STXBP4: variants seen among roughly 807,000 people sequenced by gnomAD.
The protein encoded by STXBP4 is syntaxin-binding protein 4.
In STXBP4, 55 loss-of-function variants were observed where a neutral mutation model predicts 76.1. The observed-to-expected ratio is 0.72, with a 90% CI of 0.58 to 0.91. The LOEUF is 0.91. Among genes scored for constraint, STXBP4 ranks in the 40% least tolerant of loss-of-function variants. The pLI, the probability that STXBP4 is intolerant of heterozygous loss-of-function variation, is 0.00. For synonymous variants in STXBP4, 201 were observed against 220.2 expected, an observed-to-expected ratio of 0.91 and a Z score of 0.77; for missense variants, 618 against 636.9, an observed-to-expected ratio of 0.97 and a Z score of 0.32.
chr17:55,086,815 A>G (rs1161786871), intron 16 of STXBP4, among the ~76,000 whole-genome samples: 1 of 152,104 alleles, frequency 6.6e-6, no homozygotes, highest in East Asian at 1.9e-4. Flanking sequence ...TTGTAGTTCT[A>G]TTTTTGTTTT....
rs2077705833 is a variant in STXBP4, at chr17:54,990,940, G to T, written c.163G>T (p.Gly55Ter). ...PLVYIQEIIP[G>*]GDCYKDGRLK... ...GGTATATATTCAGGAAATTATTCCT[G>T]GAGGAGACTGTTATAAGGTAAAAAT... Residue 55 changes from glycine to a stop codon, truncating the protein, a stop_gained, in exon 4 of 18, where the codon GGA becomes TGA. Coordinates refer to ENST00000376352, the MANE Select transcript of STXBP4 (RefSeq NM_178509.6). LOFTEE classifies it high-confidence loss of function. 1 of 1,581,446 alleles carries T rather than the reference G, an allele frequency of 6.3e-7. No homozygotes were observed. The highest frequency in any genetic ancestry group is 2.3e-5 in the East Asian group (1 of 43,220).
At chr17:55,101,660 T>C (rs2079567908) in intron 16 of STXBP4, among the ~76,000 whole-genome samples, 1 of 152,194 alleles carries the variant, frequency 6.6e-6, no homozygotes, top group Non-Finnish European at 1.5e-5. Flanking sequence ...TCTTAGACTT[T>C]TGGGAATGAA....
chr17:55,144,004 T>TGCGCGC (rs200876987), intron 17 of STXBP4, among the ~76,000 whole-genome samples: 1 of 98,712 alleles, frequency 1.0e-5, no homozygotes, highest in African/African-American at 3.6e-5. Context: ...CAAAGCCACC[T>TGCGCGC]GCACACACAC....
chr17:54,969,292 C>T (rs1203360115), intron 1 of STXBP4, among the ~76,000 whole-genome samples: 1 of 152,210 alleles, frequency 6.6e-6, no homozygotes, highest in Non-Finnish European at 1.5e-5. Flanking sequence ...TAAGGAGAGA[C>T]TGAAAGAAAC....
chr17:54,972,193 C>T (rs1036686417), intron 1 of STXBP4, among the ~76,000 whole-genome samples: 3 of 152,220 alleles, frequency 2.0e-5, no homozygotes, highest in Non-Finnish European at 4.4e-5. Context: ...ATGTCACATT[C>T]ATAAATTAAT....
chr17:54,994,798 C>T lies in STXBP4; in HGVS notation c.180+3841C>T, dbSNP rs76053868. Among the ~76,000 whole-genome samples, 1,063 of 151,606 alleles carry T rather than the reference C, an allele frequency of 7.0e-3. 15 individuals carry two copies. The highest frequency in any genetic ancestry group is 0.024 in the African/African-American group (1,006 of 41,374). On this transcript the variant is annotated intron_variant, in intron 4 of 17. Coordinates refer to ENST00000376352, the MANE Select transcript of STXBP4 (RefSeq NM_178509.6). ...GCATTTTCTCAGTTCCTGGAAGGGGCGAATTTCTCTTTTTTTTTTTTCTTT... is the reference window on the plus strand; with the variant it reads ...GCATTTTCTCAGTTCCTGGAAGGGGTGAATTTCTCTTTTTTTTTTTTCTTT...
intron 16 of STXBP4, among the ~76,000 whole-genome samples, chr17:55,103,642 A>C (rs191133468): frequency 1.6e-4 from 24 of 149,174 alleles, no homozygotes; most frequent in Admixed American, 9.4e-4. Context: ...TATGAAATTT[A>C]AAGTAGTTTT....
the STXBP4 span, among the ~76,000 whole-genome samples, chr17:55,207,715 A>C: frequency 8.1e-4 from 123 of 152,306 alleles, no homozygotes; most frequent in Non-Finnish European, 1.3e-3. Context: ...TAATGCGTTG[A>C]CTGCAAATCT....
chr17:55,110,537 G>A (rs1364351269), intron 16 of STXBP4, among the ~76,000 whole-genome samples: 5 of 152,194 alleles, frequency 3.3e-5, no homozygotes, highest in Non-Finnish European at 7.3e-5. Flanking sequence ...AACAACTGAG[G>A]TGGGGGATAT....
At chr17:55,133,062 G>GT (rs1029800701) in intron 16 of STXBP4, among the ~76,000 whole-genome samples, 4 of 152,152 alleles carry the variant, frequency 2.6e-5, no homozygotes, top group Middle Eastern at 3.4e-3. Context: ...CTGACTTTTT[G>GT]TTTTTTTAAT....
intron 16 of STXBP4, among the ~76,000 whole-genome samples, chr17:55,115,697 A>G (rs192847469): frequency 1.2e-4 from 18 of 152,016 alleles, no homozygotes; most frequent in Admixed American, 9.2e-4. Context: ...CTGTAACCCA[A>G]TCACAGTTTA....
chr17:55,050,482 T>C (rs1296500490), intron 12 of STXBP4, among the ~76,000 whole-genome samples: 1 of 152,072 alleles, frequency 6.6e-6, no homozygotes, highest in Non-Finnish European at 1.5e-5. Context: ...ATGACATTCA[T>C]TGGGGGATGA....
At chr17:55,001,505 C>G (rs1598183429) in intron 7 of STXBP4, among the ~76,000 whole-genome samples, 1 of 152,138 alleles carries the variant, frequency 6.6e-6, no homozygotes, top group South Asian at 2.1e-4. Context: ...CTGAAATTAT[C>G]TCCAAAAGTT....
chr17:55,080,881 A>G (rs1437654056), intron 15 of STXBP4, among the ~76,000 whole-genome samples, 169 bp from the exon 16 acceptor site: 1 of 152,180 alleles, frequency 6.6e-6, no homozygotes, highest in East Asian at 1.9e-4. Context: ...ATAATTGAAA[A>G]CAGAAATATT....
intron 12 of STXBP4, among the ~76,000 whole-genome samples, chr17:55,052,395 C>T (rs1024504009): frequency 2.6e-5 from 4 of 151,966 alleles, no homozygotes; most frequent in South Asian, 2.1e-4. Context: ...TCGTAATTCA[C>T]GGTATCATTC....
the STXBP4 span, among the ~76,000 whole-genome samples, chr17:55,180,468 A>G: frequency 6.6e-6 from 1 of 152,156 alleles, no homozygotes; most frequent in African/African-American, 2.4e-5. Flanking sequence ...TCACCCCTAC[A>G]CTTCAACCTG....
chr17:55,153,767 C>T (rs1425359288), intron 17 of STXBP4, among the ~76,000 whole-genome samples: 2 of 152,064 alleles, frequency 1.3e-5, no homozygotes, highest in Admixed American at 6.5e-5. Context: ...GGGAATTTAA[C>T]GTGGAAACGT....
intron 8 of STXBP4, among the ~76,000 whole-genome samples, chr17:55,021,515 C>G (rs1227279905): frequency 6.6e-6 from 1 of 152,096 alleles, no homozygotes; most frequent in Non-Finnish European, 1.5e-5. Flanking sequence ...GATCCTATCT[C>G]TAAAAATAAT....
the STXBP4 span, among the ~76,000 whole-genome samples, chr17:55,190,047 G>GA: frequency 1.3e-4 from 20 of 152,298 alleles, no homozygotes; most frequent in African/African-American, 2.9e-4. Context: ...TCTAAACGGG[G>GA]AAAAAATTGG....
Sources: allele counts gnomAD v4.1 joint callset (sites outside exome capture counted in the v4.1 genomes callset), GRCh38; gene constraint gnomAD v4.1.1; transcripts MANE v1.5; gene names NCBI Gene and HGNC (gene_info 2026-07-23, HGNC 2026-07-21).